The following AGMO variants were observed in gnomAD, a reference collection of about 807,000 sequenced individuals.
The protein encoded by AGMO is alkylglycerol monooxygenase.
A neutral mutation model predicts 60.2 loss-of-function variants in AGMO; 75 were observed. That is an observed-to-expected ratio of 1.25 (90% CI 1.03 to 1.51). The LOEUF (loss-of-function observed/expected upper bound fraction) is 1.51, where lower values mean the gene tolerates loss of function less well. Among genes scored for constraint, AGMO ranks in the 40% most tolerant of loss-of-function variants. AGMO has a pLI of 0.00. For missense variants in AGMO, 763 were observed against 525.5 expected, an observed-to-expected ratio of 1.45 and a Z score of -4.42; for synonymous variants, 261 against 177.1, an observed-to-expected ratio of 1.47 and a Z score of -3.76.
chr7:15,531,216 C>G (rs1409240260), intron 3 of AGMO, among the ~76,000 whole-genome samples: 1 of 66,272 alleles, frequency 1.5e-5, no homozygotes, highest in East Asian at 4.8e-4. Context: ...TCTATATATT[C>G]TATATATATT....
intron 3 of AGMO, among the ~76,000 whole-genome samples, chr7:15,537,078 C>A (rs1488737081): frequency 6.6e-6 from 1 of 151,980 alleles, no homozygotes; most frequent in Non-Finnish European, 1.5e-5. Flanking sequence ...CAAAACAATC[C>A]TAAAGTCTAC....
chr7:15,330,285 T>C (rs11975326), intron 12 of AGMO, among the ~76,000 whole-genome samples: 7,157 of 152,210 alleles, frequency 0.047, 250 homozygotes, highest in African/African-American at 0.09. Context: ...TTCCTTGAAA[T>C]CATTGATAAA....
chr7:15,349,745 G>A (rs531586816), intron 12 of AGMO, among the ~76,000 whole-genome samples: 1 of 152,262 alleles, frequency 6.6e-6, no homozygotes, highest in African/African-American at 2.4e-5. Context: ...ATGGCAGAAG[G>A]CATCTCTTCA....
chr7:15,452,236 T>C (rs916502897), intron 3 of AGMO, among the ~76,000 whole-genome samples: 10 of 152,098 alleles, frequency 6.6e-5, no homozygotes, highest in African/African-American at 2.4e-4. Flanking sequence ...AAAATAGATA[T>C]ACTTCATCGA....
At chr7:15,284,747 A>G (rs1784055829) in intron 12 of AGMO, among the ~76,000 whole-genome samples, 1 of 151,898 alleles carries the variant, frequency 6.6e-6, no homozygotes, top group African/African-American at 2.4e-5. Context: ...TGATACCAAC[A>G]CTAGGAAAGT....
At chr7:15,443,808 A>C (rs59552585) in intron 3 of AGMO, among the ~76,000 whole-genome samples, 2,441 of 152,268 alleles carry the variant, frequency 0.016, 71 homozygotes, top group African/African-American at 0.055. Flanking sequence ...TATTGAAAAA[A>C]ATCTGTATCT....
chr7:15,422,009 G>A (rs1780940382), intron 4 of AGMO, among the ~76,000 whole-genome samples: 1 of 151,944 alleles, frequency 6.6e-6, no homozygotes, highest in African/African-American at 2.4e-5. Context: ...AAGAGACAGA[G>A]AGAAGACTCC....
At chr7:15,165,355 C>T in the AGMO span, among the ~76,000 whole-genome samples, 2 of 151,992 alleles carry the variant, frequency 1.3e-5, no homozygotes, top group Non-Finnish European at 2.9e-5. Context: ...TGTAACATAC[C>T]TGCACATGTA....
chr7:15,194,228 C>T, the AGMO span, among the ~76,000 whole-genome samples: 4 of 152,086 alleles, frequency 2.6e-5, no homozygotes, highest in Non-Finnish European at 5.9e-5. Context: ...AATATTGATC[C>T]GTTTGGAAAA....
At chr7:15,298,293 C>A (rs964090612) in intron 12 of AGMO, among the ~76,000 whole-genome samples, 7 of 152,090 alleles carry the variant, frequency 4.6e-5, no homozygotes, top group Admixed American at 3.9e-4. Context: ...CAGCTTTCTC[C>A]CGTCTTAATC....
At chr7:15,547,699 A>C (rs1480615636) in intron 2 of AGMO, among the ~76,000 whole-genome samples, 1 of 152,036 alleles carries the variant, frequency 6.6e-6, no homozygotes, top group Non-Finnish European at 1.5e-5. Flanking sequence ...CTAGCACAGC[A>C]GTCTGAGATC....
intron 3 of AGMO, among the ~76,000 whole-genome samples, chr7:15,515,017 A>G (rs1583633642): frequency 6.6e-6 from 1 of 152,290 alleles, no homozygotes; most frequent in East Asian, 1.9e-4. Flanking sequence ...CTCTTTCTGC[A>G]TTTTCTCTAC....
At chr7:15,219,546 A>C (rs1378962600) in intron 12 of AGMO, among the ~76,000 whole-genome samples, 1 of 152,178 alleles carries the variant, frequency 6.6e-6, no homozygotes, top group Non-Finnish European at 1.5e-5. Flanking sequence ...GATCCTGAGA[A>C]GCACAAGTAA....
intron 12 of AGMO, among the ~76,000 whole-genome samples, chr7:15,292,282 C>T (rs981900338): frequency 2.6e-5 from 4 of 152,138 alleles, no homozygotes; most frequent in Non-Finnish European, 5.9e-5. Flanking sequence ...AATACAGCAG[C>T]ATCTCTGAAA....
intron 3 of AGMO, among the ~76,000 whole-genome samples, chr7:15,510,048 A>C (rs1783627323): frequency 6.6e-6 from 1 of 152,192 alleles, no homozygotes; most frequent in South Asian, 2.1e-4. Flanking sequence ...ATGATACAGC[A>C]ACCCTTCTTC....
At chr7:15,329,974 G>A (rs1328041456) in intron 12 of AGMO, among the ~76,000 whole-genome samples, 1 of 152,122 alleles carries the variant, frequency 6.6e-6, no homozygotes, top group Non-Finnish European at 1.5e-5. Flanking sequence ...CTGCACTCAG[G>A]TAACTAATGG....
At chr7:15,283,919 C>T (rs150539936) in intron 12 of AGMO, among the ~76,000 whole-genome samples, 2,774 of 152,006 alleles carry the variant, frequency 0.018, 94 homozygotes, top group African/African-American at 0.064. Context: ...GAAATCAACT[C>T]CAAAAGGAAC....
intron 12 of AGMO, among the ~76,000 whole-genome samples, chr7:15,346,500 A>C (rs1364613775): frequency 6.6e-6 from 1 of 151,976 alleles, no homozygotes; most frequent in African/African-American, 2.4e-5. Context: ...GGATGTTTTT[A>C]ATTGATATTT....
downstream of AGMO, among the ~76,000 whole-genome samples, chr7:15,196,399 A>T (rs979173759): frequency 3.3e-5 from 5 of 152,150 alleles, no homozygotes; most frequent in African/African-American, 1.2e-4. Flanking sequence ...TGAAACAGAA[A>T]ACTTTGGTGG....
Sources: allele counts gnomAD v4.1 joint callset (sites outside exome capture counted in the v4.1 genomes callset), GRCh38; gene constraint gnomAD v4.1.1; transcripts MANE v1.5; gene names NCBI Gene and HGNC (gene_info 2026-07-23, HGNC 2026-07-21).